Variants in SCHIP1 observed in about 807,000 individuals in gnomAD.
SCHIP1 encodes the protein schwannomin-interacting protein 1.
A neutral mutation model predicts 29.7 loss-of-function variants in SCHIP1; 8 were observed. That is an observed-to-expected ratio of 0.27 (90% CI 0.16 to 0.49). The LOEUF (loss-of-function observed/expected upper bound fraction) is 0.49, where lower values mean the gene tolerates loss of function less well. SCHIP1 is among the 20% of genes least tolerant of loss of function. The probability of loss-of-function intolerance (pLI) is 0.99; values close to 1 mark genes in which losing one functional copy is unlikely to be tolerated. For missense variants in SCHIP1, 193 were observed against 294.6 expected (o/e 0.66, Z 2.52); for synonymous variants, 76 against 94.9 (o/e 0.80, Z 1.16).
At chr3:159,273,540 T>C in the SCHIP1 span, 2 of 1,214,334 alleles carry the variant, frequency 1.6e-6, no homozygotes, top group African/African-American at 1.6e-5. Context: ...TTTTATCAAT[T>C]TGAAGAACAC....
chr3:159,649,704 A>G, the SCHIP1 span, among the ~76,000 whole-genome samples: 1 of 152,210 alleles, frequency 6.6e-6, no homozygotes, highest in Non-Finnish European at 1.5e-5. Flanking sequence ...CTGTGACTAC[A>G]TCATATGGAA....
chr3:159,486,120 C>G, the SCHIP1 span, among the ~76,000 whole-genome samples: 1 of 152,164 alleles, frequency 6.6e-6, no homozygotes, highest in African/African-American at 2.4e-5. Flanking sequence ...ACATCCATCT[C>G]TTTATATGGT....
chr3:159,864,980 A>G (rs1714464133), intron 1 of SCHIP1, among the ~76,000 whole-genome samples: 1 of 152,160 alleles, frequency 6.6e-6, no homozygotes, highest in Non-Finnish European at 1.5e-5. Flanking sequence ...GCCTTAACCT[A>G]TTGTATACTG....
At chr3:159,578,468 T>G in the SCHIP1 span, among the ~76,000 whole-genome samples, 2 of 152,178 alleles carry the variant, frequency 1.3e-5, no homozygotes, top group East Asian at 1.9e-4. Flanking sequence ...AACTTAAAAT[T>G]CCATATGTGG....
At chr3:159,513,681 GGGGCTCCA>G in the SCHIP1 span, among the ~76,000 whole-genome samples, 1,683 of 152,232 alleles carry the variant, frequency 0.011, 11 homozygotes, top group Non-Finnish European at 0.018. Context: ...AAGGGAGAAA[GGGGCTCCA>G]AATTGCTCCA....
At chr3:159,693,649 A>G in the SCHIP1 span, among the ~76,000 whole-genome samples, 1 of 152,188 alleles carries the variant, frequency 6.6e-6, no homozygotes, top group Non-Finnish European at 1.5e-5. Context: ...CCTGATTGTG[A>G]CTATAGGTAG....
At chr3:159,841,434 C>A (rs868177621) in intron 1 of SCHIP1, among the ~76,000 whole-genome samples, 66 of 152,188 alleles carry the variant, frequency 4.3e-4, no homozygotes, top group African/African-American at 1.4e-3. Context: ...GAGAAAAAAA[C>A]CAACATGTCA....
At chr3:159,748,239 G>A in the SCHIP1 span, among the ~76,000 whole-genome samples, 1 of 152,108 alleles carries the variant, frequency 6.6e-6, no homozygotes, top group Non-Finnish European at 1.5e-5. Flanking sequence ...CCCAATTTCA[G>A]AGATATCAAA....
chr3:159,877,491 T>C (rs757692653), intron 2 of SCHIP1, among the ~76,000 whole-genome samples: 1 of 152,226 alleles, frequency 6.6e-6, no homozygotes, highest in African/African-American at 2.4e-5. Flanking sequence ...GCCAGTGTTT[T>C]TGAGATGAAG....
the SCHIP1 span, among the ~76,000 whole-genome samples, chr3:159,684,077 C>G: frequency 9.5e-3 from 1,441 of 152,240 alleles, 26 homozygotes; most frequent in African/African-American, 0.033. Flanking sequence ...TTGAGCACAC[C>G]TTTTATATAT....
At chr3:159,544,446 T>C in the SCHIP1 span, among the ~76,000 whole-genome samples, 1 of 152,038 alleles carries the variant, frequency 6.6e-6, no homozygotes, top group African/African-American at 2.4e-5. Context: ...AAGCCAGTTT[T>C]CCAACATGAG....
At chr3:159,885,243 T>C (rs1239732415) in intron 2 of SCHIP1, among the ~76,000 whole-genome samples, 2 of 152,202 alleles carry the variant, frequency 1.3e-5, no homozygotes, top group Admixed American at 1.3e-4. Context: ...TCAGCTTCCT[T>C]GGGATCTTTT....
At chr3:159,703,509 G>A in the SCHIP1 span, among the ~76,000 whole-genome samples, 4 of 151,428 alleles carry the variant, frequency 2.6e-5, no homozygotes, top group African/African-American at 9.7e-5. Flanking sequence ...TGAACTAGAG[G>A]TCCCACAGCA....
At chr3:159,868,359 A>C (rs756988471) in intron 2 of SCHIP1, among the ~76,000 whole-genome samples, 9 of 152,062 alleles carry the variant, frequency 5.9e-5, no homozygotes, top group African/African-American at 9.7e-5. Context: ...TAACCATCAG[A>C]CTACCTGCTA....
the SCHIP1 span, among the ~76,000 whole-genome samples, chr3:159,673,863 T>C: frequency 6.6e-6 from 1 of 152,158 alleles, no homozygotes; most frequent in Non-Finnish European, 1.5e-5. Context: ...ATGCCAACCA[T>C]GTTTGGGACA....
chr3:159,513,533 C>G, the SCHIP1 span, among the ~76,000 whole-genome samples: 3 of 152,188 alleles, frequency 2.0e-5, no homozygotes, highest in African/African-American at 7.2e-5. Context: ...AGTGTCTTTC[C>G]TGAGCCAACT....
chr3:159,420,334 T>C, the SCHIP1 span, among the ~76,000 whole-genome samples: 1 of 152,104 alleles, frequency 6.6e-6, no homozygotes, highest in Admixed American at 6.5e-5. Flanking sequence ...CTTTCTGGAA[T>C]GGAGGATGGT....
chr3:159,779,106 A>G, the SCHIP1 span, among the ~76,000 whole-genome samples: 1 of 152,204 alleles, frequency 6.6e-6, no homozygotes, highest in East Asian at 1.9e-4. Context: ...GTCCAGTGGA[A>G]GTCCTGGGAG....
the SCHIP1 span, among the ~76,000 whole-genome samples, chr3:159,697,390 A>G: frequency 6.6e-6 from 1 of 152,150 alleles, no homozygotes; most frequent in Non-Finnish European, 1.5e-5. Flanking sequence ...AGTGGACACA[A>G]TAGAGGCAGG....
Sources: allele counts gnomAD v4.1 joint callset (sites outside exome capture counted in the v4.1 genomes callset), GRCh38; gene constraint gnomAD v4.1.1; transcripts MANE v1.5; gene names NCBI Gene and HGNC (gene_info 2026-07-23, HGNC 2026-07-21).